KCNIP1: variants seen among roughly 807,000 people sequenced by gnomAD.
KCNIP1 encodes the protein potassium voltage-gated channel interacting protein 1.
KCNIP1 carries 18 observed loss-of-function variants against 33.0 expected under a neutral mutation model. The ratio of observed to expected loss-of-function variants is 0.55; its 90% confidence interval spans 0.38 to 0.81. The LOEUF is 0.81. Ranked by LOEUF, KCNIP1 falls within the 30% of genes least tolerant of loss-of-function variation. The probability of loss-of-function intolerance (pLI) is 0.00; values close to 1 mark genes in which losing one functional copy is unlikely to be tolerated. For missense variants in KCNIP1, 238 were observed against 271.6 expected (o/e 0.88, Z 0.87); for synonymous variants, 93 against 98.3 (o/e 0.95, Z 0.32).
chr5:170,708,091 T>A (rs1171333313), intron 1 of KCNIP1, among the ~76,000 whole-genome samples: 1 of 151,994 alleles, frequency 6.6e-6, no homozygotes, highest in African/African-American at 2.4e-5. Flanking sequence ...GGCTTATGAC[T>A]CCCCTCCAAG....
At chr5:170,443,903 G>A (rs1025453405) in intron 1 of KCNIP1, among the ~76,000 whole-genome samples, 8 of 152,230 alleles carry the variant, frequency 5.3e-5, no homozygotes, top group African/African-American at 1.9e-4. Context: ...CAGGGCAGGG[G>A]TGGGGGCTGG....
At chr5:170,498,673 G>T (rs1757355527) in intron 1 of KCNIP1, among the ~76,000 whole-genome samples, 1 of 152,172 alleles carries the variant, frequency 6.6e-6, no homozygotes, top group Non-Finnish European at 1.5e-5. Context: ...CAGGTAGATG[G>T]TGCTTAATAA....
chr5:170,677,693 G>A (rs1762197107), intron 1 of KCNIP1, among the ~76,000 whole-genome samples: 1 of 152,086 alleles, frequency 6.6e-6, no homozygotes, highest in African/African-American at 2.4e-5. Flanking sequence ...CATAACAAAA[G>A]TCAGGTATCT....
chr5:170,562,480 C>A (rs896237155), intron 1 of KCNIP1, among the ~76,000 whole-genome samples: 2 of 152,222 alleles, frequency 1.3e-5, no homozygotes, highest in Non-Finnish European at 2.9e-5. Flanking sequence ...GTAGCAGGCA[C>A]TCGACAAACA....
At chr5:170,383,306 C>T (rs1381216060) in intron 1 of KCNIP1, 5 of 528,270 alleles carry the variant, frequency 9.5e-6, no homozygotes, top group East Asian at 3.1e-5. Flanking sequence ...AAAGTACTAA[C>T]ACTAATCACT....
intron 1 of KCNIP1, among the ~76,000 whole-genome samples, chr5:170,411,153 C>A (rs1406664303): frequency 2.0e-5 from 3 of 152,172 alleles, no homozygotes; most frequent in Admixed American, 6.5e-5. Context: ...TGCATCCAAG[C>A]GATGCTAATT....
intron 1 of KCNIP1, among the ~76,000 whole-genome samples, chr5:170,665,905 C>T (rs145333792): frequency 1.6e-4 from 24 of 152,336 alleles, no homozygotes; most frequent in Admixed American, 1.1e-3. Flanking sequence ...GTACCATTCA[C>T]ATCACATCAT....
At chr5:170,559,342 C>T (rs1231499220) in intron 1 of KCNIP1, among the ~76,000 whole-genome samples, 1 of 152,226 alleles carries the variant, frequency 6.6e-6, no homozygotes, top group Non-Finnish European at 1.5e-5. Flanking sequence ...GCCTACAAAG[C>T]AGAAACATGT....
intron 1 of KCNIP1, among the ~76,000 whole-genome samples, chr5:170,652,883 C>T (rs1184714021): frequency 6.6e-6 from 1 of 152,232 alleles, no homozygotes; most frequent in Non-Finnish European, 1.5e-5. Flanking sequence ...CTGAGTGGTT[C>T]AGCAAACCCT....
intron 1 of KCNIP1, among the ~76,000 whole-genome samples, chr5:170,607,286 G>A (rs974772296): frequency 2.6e-5 from 4 of 152,250 alleles, no homozygotes; most frequent in Middle Eastern, 3.4e-3. Flanking sequence ...AACAATTCCC[G>A]TTTCGTAGAG....
chr5:170,559,336 A>T (rs1278973472), intron 1 of KCNIP1, among the ~76,000 whole-genome samples: 1 of 152,234 alleles, frequency 6.6e-6, no homozygotes, highest in Non-Finnish European at 1.5e-5. Flanking sequence ...CAAATCGCCT[A>T]CAAAGCAGAA....
intron 1 of KCNIP1, among the ~76,000 whole-genome samples, chr5:170,619,237 G>A (rs537334233): frequency 6.6e-6 from 1 of 152,194 alleles, no homozygotes; most frequent in East Asian, 1.9e-4. Flanking sequence ...TCTTCCCAGT[G>A]CCCCACACAG....
intron 1 of KCNIP1, chr5:170,383,763 G>A: frequency 6.2e-7 from 1 of 1,614,150 alleles, no homozygotes; most frequent in Non-Finnish European, 8.5e-7. Context: ...ACAGGCATGG[G>A]TACTGGGGCA....
chr5:170,404,908 A>G (rs900298954), intron 1 of KCNIP1, among the ~76,000 whole-genome samples: 5 of 152,220 alleles, frequency 3.3e-5, no homozygotes, highest in Non-Finnish European at 5.9e-5. Flanking sequence ...TTATTTGGAT[A>G]GTAGACAGAC....
Position 170,575,876 on chromosome 5 carries a change from G to A in KCNIP1, c.61+71243G>A, listed in dbSNP as rs913710790. On this transcript the variant is annotated intron_variant, in intron 1 of 7. Coordinates refer to ENST00000328939, the MANE Select transcript of KCNIP1 (RefSeq NM_014592.4). ...CTGTTAGGTGGAAAACTTTTTTTTC[G>A]TTTTACTGAAAAGTTTAACCCAGGC... 4.6e-5 allele frequency among the ~76,000 whole-genome samples: 7 copies of A among 151,816 alleles called. 1 individual carries two copies. The highest frequency in any genetic ancestry group is 3.4e-3 in the Middle Eastern group (1 of 294).
chr5:170,478,836 T>G (rs1285698274), intron 1 of KCNIP1, among the ~76,000 whole-genome samples: 2 of 152,096 alleles, frequency 1.3e-5, no homozygotes, highest in African/African-American at 4.8e-5. Context: ...AGCTGAACAC[T>G]TCCTATAAAT....
intron 1 of KCNIP1, among the ~76,000 whole-genome samples, chr5:170,496,484 A>C (rs1227408731): frequency 6.6e-6 from 1 of 152,144 alleles, no homozygotes; most frequent in Non-Finnish European, 1.5e-5. Flanking sequence ...CTCATCTATA[A>C]AACAGGAAAC....
intron 1 of KCNIP1, among the ~76,000 whole-genome samples, chr5:170,633,134 G>A (rs989084020): frequency 5.3e-5 from 8 of 152,158 alleles, no homozygotes; most frequent in Admixed American, 2.0e-4. Flanking sequence ...AGGCATTCTC[G>A]GGGTCTCTCC....
intron 1 of KCNIP1, chr5:170,669,630 G>T: frequency 1.0e-6 from 1 of 985,454 alleles, no homozygotes; most frequent in Non-Finnish European, 1.2e-6. Flanking sequence ...CCATTTTAGA[G>T]TAACTATCTC....
Sources: gnomAD v4.1 joint callset for allele counts (sites outside exome capture counted in the v4.1 genomes callset) on GRCh38, gnomAD v4.1.1 for gene constraint, MANE v1.5 for transcripts, NCBI Gene and HGNC (gene_info 2026-07-23, HGNC 2026-07-21) for gene names.